The following AFDN variants were observed in gnomAD, a reference collection of about 807,000 sequenced individuals.
AFDN encodes the protein afadin.
In AFDN, 68 loss-of-function variants were observed where a neutral mutation model predicts 216.6. That is an observed-to-expected ratio of 0.31 (90% CI 0.26 to 0.38). The LOEUF (loss-of-function observed/expected upper bound fraction) is 0.38. Among genes scored for constraint, AFDN ranks in the 10% least tolerant of loss-of-function variants. The probability of loss-of-function intolerance (pLI) is 1.00; values close to 1 mark genes in which losing one functional copy is unlikely to be tolerated. For missense variants in AFDN, 2,136 were observed against 2,342.0 expected (o/e 0.91, Z 1.82); for synonymous variants, 868 against 853.7 (o/e 1.02, Z -0.29).
intron 31 of AFDN, chr6:167,965,112 C>T (rs1029633410): frequency 1.0e-6 from 1 of 990,244 alleles, no homozygotes; most frequent in African/African-American, 1.7e-5. Context: ...CTATGGAAAG[C>T]ATATTTGTTA....
intron 2 of AFDN, 143 bp from the exon 3 acceptor site, chr6:167,870,243 G>T: frequency 1.9e-6 from 1 of 529,952 alleles, no homozygotes; most frequent in African/African-American, 1.9e-5. Context: ...TAAAACAAAT[G>T]ATTTTACATT....
intron 31 of AFDN, chr6:167,963,505 A>T (rs1797241071): frequency 9.5e-7 from 1 of 1,054,342 alleles, no homozygotes; most frequent in Admixed American, 5.5e-5. Flanking sequence ...AAGAACTTGT[A>T]GGGAGTTTTT....
At chr6:167,890,557 A>T (rs1033043898) in intron 7 of AFDN, among the ~76,000 whole-genome samples, 1 of 150,256 alleles carries the variant, frequency 6.7e-6, no homozygotes, top group African/African-American at 2.5e-5. Flanking sequence ...AGAGTTGTTT[A>T]CTAATGTAAG....
chr6:167,931,145 A>G (rs76765810), intron 23 of AFDN, among the ~76,000 whole-genome samples: 2,767 of 152,296 alleles, frequency 0.018, 32 homozygotes, highest in Non-Finnish European at 0.029. Context: ...GTACTGATAC[A>G]TATTTGTTGA....
Position 167,962,076 on chromosome 6 carries a change from G to T in AFDN, c.4834-357G>T, listed in dbSNP as rs946757680. Among the ~76,000 whole-genome samples the T allele has an allele frequency of 6.6e-6, 1 of 152,184 alleles. No homozygotes were observed. Among genetic ancestry groups the T allele is most frequent in the African/African-American group, 2.4e-5 (1 of 41,432 alleles). On this transcript the variant is annotated intron_variant, in intron 30 of 33. Transcript: ENST00000683244. This position sits in a 1 kb window ranked among gnomAD's most constrained non-coding sequence, Gnocchi z 5.2. ...AGTGTGTTCTGCAGGTCCATCAAGT[G>T]GGGCCTGTTTGAGCCTGTTAATTTA...
chr6:167,856,023 A>G (rs974821835), intron 1 of AFDN, among the ~76,000 whole-genome samples: 1 of 152,144 alleles, frequency 6.6e-6, no homozygotes, highest in African/African-American at 2.4e-5. Context: ...TTAAATAGTG[A>G]TGAAACCTCT....
chr6:167,839,483 C>T (rs189307258), intron 1 of AFDN, among the ~76,000 whole-genome samples: 2 of 152,078 alleles, frequency 1.3e-5, no homozygotes, highest in East Asian at 3.9e-4. Flanking sequence ...TATTGAGAGC[C>T]TGTTAGGAGT....
intron 1 of AFDN, among the ~76,000 whole-genome samples, chr6:167,844,819 C>A (rs142353287): frequency 0.02 from 2,970 of 147,868 alleles, 53 homozygotes; most frequent in Non-Finnish European, 0.034. Context: ...ATTCCTTATT[C>A]ATTGTTGAGA....
chr6:167,864,661 C>T lies in AFDN; in HGVS notation c.216C>T (p.Ile72=), dbSNP rs765753006. The change falls in exon 2 of 34, where the codon ATC becomes ATT. Residue 72 remains isoleucine, a synonymous_variant. Coordinates refer to ENST00000683244, the MANE Select transcript of AFDN (RefSeq NM_001386888.1). ...VSSTATTQDV[I]ETLAEKFRPD... The stretch of plus-strand genomic sequence containing the variant: ...GTACTGCCACCACTCAAGATGTAAT[C>T]GAAACGCTCGCGGAGAAATTTCGAC... 1.5e-5 allele frequency: 24 copies of T among 1,614,046 alleles called. No homozygotes were observed. In the South Asian group the frequency reaches 2.1e-4, roughly 14 times the overall value.
intron 32 of AFDN, 166 bp from the exon 33 acceptor site, chr6:167,968,948 G>A (rs1465409844): frequency 5.0e-6 from 3 of 602,330 alleles, no homozygotes; most frequent in Non-Finnish European, 8.9e-6. Context: ...CACCAACAGG[G>A]ATGAATTTCA....
Position 167,911,369 on chromosome 6 carries a change from T to C in AFDN, c.1917T>C (p.Tyr639=). 1.2e-6 allele frequency: 2 copies of C among 1,614,088 alleles called. No individual in the cohort carries two copies. The highest frequency in any genetic ancestry group is 1.7e-6 in the Non-Finnish European group (2 of 1,179,924). ...HFKLSPTYVL[Y]MACRYVLSNQ... ...AGTTGTCCCCTACATATGTATTATA[T>C]ATGGCATGCCGGTATGTATTGTCCA... Residue 639 remains tyrosine (Y), a synonymous_variant, in exon 15 of 34, where the codon TAT becomes TAC. Coordinates refer to ENST00000683244, the MANE Select transcript of AFDN (RefSeq NM_001386888.1).
chr6:167,890,912 A>G lies in AFDN; in HGVS notation c.1060A>G (p.Lys354Glu), dbSNP rs1787482713. 3.1e-6 allele frequency: 5 copies of G among 1,614,098 alleles called. No individual in the cohort carries two copies. In the East Asian group the frequency reaches 1.1e-4, roughly 36 times the overall value. Residue 354 changes from lysine (K) to glutamate (E), a missense_variant, in exon 8 of 34, where the codon AAA (lysine) becomes GAA (glutamate). Lys to Glu is a moderately conservative substitution (Grantham distance 56). This residue lies in a region of AFDN where 817 missense variants were observed against 965.7 expected (regional missense o/e 0.85). Coordinates refer to ENST00000683244, the MANE Select transcript of AFDN (RefSeq NM_001386888.1). ...KRRPPDHIPK[K>E]TKKHLEGKTP... is the part of the protein sequence containing the mutation. ...GAGGCCACCAGACCACATCCCAAAG[A>G]AAACCAAGAAACACTTGGAAGGCAA...
intron 3 of AFDN, among the ~76,000 whole-genome samples, chr6:167,871,843 G>GT (rs1334286055): frequency 6.6e-6 from 1 of 152,082 alleles, no homozygotes; most frequent in Non-Finnish European, 1.5e-5. Flanking sequence ...TTTTATTCAA[G>GT]TTACTTTATG....
chr6:167,866,690 AG>A (rs1418370142), intron 2 of AFDN, among the ~76,000 whole-genome samples: 8 of 152,290 alleles, frequency 5.3e-5, no homozygotes, highest in African/African-American at 1.9e-4. Flanking sequence ...GTTGATTTTC[AG>A]AGAGTACTGC....
At chr6:167,864,124 G>T (rs1466175147) in intron 1 of AFDN, among the ~76,000 whole-genome samples, 2 of 152,114 alleles carry the variant, frequency 1.3e-5, no homozygotes, top group Non-Finnish European at 2.9e-5. Flanking sequence ...GTGGATCTGG[G>T]TCTTAACTCT....
At chr6:167,867,646 T>C (rs1045006735) in intron 2 of AFDN, among the ~76,000 whole-genome samples, 5 of 152,112 alleles carry the variant, frequency 3.3e-5, no homozygotes, top group African/African-American at 1.2e-4. Context: ...TTGGCCAGAC[T>C]GGTCTTGAAC....
chr6:167,947,718 A>T (rs1237047484), intron 27 of AFDN, 135 bp from the exon 28 acceptor site: 2 of 490,762 alleles, frequency 4.1e-6, no homozygotes, highest in Admixed American at 3.7e-5. Context: ...ACCTGCCTTG[A>T]TTTTTTTTTT....
chr6:167,939,450 A>G (rs751862397), intron 23 of AFDN, among the ~76,000 whole-genome samples: 85 of 152,236 alleles, frequency 5.6e-4, no homozygotes, highest in Non-Finnish European at 1.0e-3. Context: ...GGGAATAGGC[A>G]TGCAGCATTT....
chr6:167,862,574 C>T (rs1215285025), intron 1 of AFDN, among the ~76,000 whole-genome samples: 4 of 152,262 alleles, frequency 2.6e-5, no homozygotes, highest in Middle Eastern at 3.4e-3. Flanking sequence ...AGGGTTCCAC[C>T]ATCTTGGTCA....
Sources: allele counts gnomAD v4.1 joint callset (sites outside exome capture counted in the v4.1 genomes callset), GRCh38; gene constraint gnomAD v4.1.1; regional missense constraint gnomAD v4.1.1; non-coding constraint Gnocchi (gnomAD v3.1); transcripts MANE v1.5; gene names NCBI Gene and HGNC (gene_info 2026-07-23, HGNC 2026-07-21).